The following RNF150 variants were observed in gnomAD, a reference collection of about 807,000 sequenced individuals.
RNF150 encodes the protein ring finger protein 150.
Under a neutral mutation model 39.3 loss-of-function variants are expected in RNF150, and 24 were observed. That is an observed-to-expected ratio of 0.61 (90% confidence interval 0.44 to 0.86). RNF150 has a LOEUF of 0.86. RNF150 is among the 40% of genes least tolerant of loss of function. RNF150 has a pLI of 0.00. For synonymous variants in RNF150, 255 were observed against 227.3 expected (o/e 1.12, Z -1.10); for missense variants, 502 against 587.8 (o/e 0.85, Z 1.51).
chr4:141,198,901 A>G (rs1412470269), intron 1 of RNF150, among the ~76,000 whole-genome samples: 1 of 152,252 alleles, frequency 6.6e-6, no homozygotes. Flanking sequence ...TATCAAAGTT[A>G]AAACCTTTTT....
At chr4:140,920,354 A>G (rs1266110480) in intron 5 of RNF150, among the ~76,000 whole-genome samples, 1 of 102,742 alleles carries the variant, frequency 9.7e-6, no homozygotes, top group Non-Finnish European at 2.1e-5. Context: ...AAAAACAAAC[A>G]ACCCCATCAA....
intron 1 of RNF150, among the ~76,000 whole-genome samples, chr4:141,093,114 C>T (rs185362070): frequency 5.9e-5 from 9 of 152,122 alleles, no homozygotes; most frequent in African/African-American, 2.2e-4. Flanking sequence ...TGCCTGTAAT[C>T]CCAGCACTTT....
chr4:141,000,695 C>G (rs1309727402), intron 1 of RNF150, among the ~76,000 whole-genome samples: 2 of 152,176 alleles, frequency 1.3e-5, no homozygotes, highest in Non-Finnish European at 2.9e-5. Flanking sequence ...TAGGTCAAAG[C>G]AGAGGTAATG....
chr4:140,971,672 C>T (rs1281077353), intron 1 of RNF150, among the ~76,000 whole-genome samples: 1 of 152,092 alleles, frequency 6.6e-6, no homozygotes, highest in Non-Finnish European at 1.5e-5. Context: ...TTTAGTGCTT[C>T]CTTTTCCCTT....
upstream of RNF150, among the ~76,000 whole-genome samples, chr4:141,137,092 A>T (rs545519149): frequency 6.6e-6 from 1 of 152,310 alleles, no homozygotes; most frequent in East Asian, 1.9e-4. Flanking sequence ...CAGCAAAGAA[A>T]CCATTAAGAC....
At chr4:141,138,283 T>G (rs1318555529), upstream of RNF150, among the ~76,000 whole-genome samples, 1 of 152,210 alleles carries the variant, frequency 6.6e-6, no homozygotes, top group African/African-American at 2.4e-5. Context: ...TTTTTCATTT[T>G]ACATTAATTG....
At chr4:141,060,712 C>A (rs548524500) in intron 1 of RNF150, among the ~76,000 whole-genome samples, 1 of 152,242 alleles carries the variant, frequency 6.6e-6, no homozygotes, top group East Asian at 1.9e-4. Flanking sequence ...GCAGCACTAT[C>A]CACAATAGCA....
intron 1 of RNF150, among the ~76,000 whole-genome samples, chr4:141,172,450 A>G (rs1024030561): frequency 6.6e-6 from 1 of 152,194 alleles, no homozygotes; most frequent in Non-Finnish European, 1.5e-5. Flanking sequence ...GGGATCAATA[A>G]TTTATCTACT....
intron 1 of RNF150, among the ~76,000 whole-genome samples, chr4:141,049,794 T>C (rs1264784383): frequency 6.6e-6 from 1 of 152,124 alleles, no homozygotes; most frequent in Non-Finnish European, 1.5e-5. Context: ...AAAAACTAAC[T>C]ATAAACAACT....
chr4:141,157,624 C>T (rs1452291825), intron 1 of RNF150, among the ~76,000 whole-genome samples: 4 of 152,004 alleles, frequency 2.6e-5, no homozygotes, highest in African/African-American at 9.7e-5. Flanking sequence ...TTTTCTTGGG[C>T]CTGATCTCCT....
intron 5 of RNF150, among the ~76,000 whole-genome samples, chr4:140,911,827 TG>T (rs1730618699): frequency 1.3e-5 from 2 of 152,202 alleles, no homozygotes; most frequent in Non-Finnish European, 2.9e-5. Context: ...TGAGTCATTA[TG>T]GCTTGTTCAT....
At chr4:141,060,742 A>C (rs894151235) in intron 1 of RNF150, among the ~76,000 whole-genome samples, 1 of 152,216 alleles carries the variant, frequency 6.6e-6, no homozygotes, top group African/African-American at 2.4e-5. Context: ...AACCAACCCA[A>C]ATGTCCATCA....
chr4:140,911,420 C>T, intron 5 of RNF150, 66 bp from the exon 6 acceptor site: 3 of 1,323,200 alleles, frequency 2.3e-6, no homozygotes, highest in Non-Finnish European at 3.2e-6. Context: ...ATGTCTATAG[C>T]CTAAACATTC....
At chr4:141,153,831 C>T (rs910610961) in intron 1 of RNF150, among the ~76,000 whole-genome samples, 8 of 152,086 alleles carry the variant, frequency 5.3e-5, no homozygotes, top group East Asian at 1.9e-4. Flanking sequence ...TGTATGCCTA[C>T]AGGATTGATC....
rs1324323972 is a variant in RNF150 at position 141,027,933 on chromosome 4, T to G, written c.485-60060A>C. 1.7e-4 allele frequency among the ~76,000 whole-genome samples: 22 copies of G among 127,856 alleles called. 3 individuals are homozygous for G. The highest frequency in any genetic ancestry group is 2.4e-4 in the Non-Finnish European group (14 of 59,006). 83.9% of individuals were successfully genotyped at this position (127,856 alleles called of 152,430 possible). On this transcript the variant is annotated intron_variant, in intron 1 of 6. Coordinates refer to ENST00000515673, the MANE Select transcript of RNF150 (RefSeq NM_020724.2). ...ATTTGTTTTTTTTTTTTTGTTTTTTTTTTTTTTTTTTTTTTTTTTCAATCC... is the reference window on the plus strand; with the variant it reads ...ATTTGTTTTTTTTTTTTTGTTTTTTGTTTTTTTTTTTTTTTTTTTCAATCC...
chr4:140,920,938 C>T (rs1226229959), intron 5 of RNF150, among the ~76,000 whole-genome samples: 2 of 151,634 alleles, frequency 1.3e-5, no homozygotes, highest in East Asian at 2.0e-4. Context: ...ATCACAAGAA[C>T]AAAAAACCAA....
chr4:141,023,982 T>C (rs1308761525), intron 1 of RNF150, among the ~76,000 whole-genome samples: 2 of 152,190 alleles, frequency 1.3e-5, no homozygotes, highest in Non-Finnish European at 2.9e-5. Context: ...ATGTAACAAA[T>C]ATTCTTTGAA....
intron 1 of RNF150, among the ~76,000 whole-genome samples, chr4:141,177,370 C>T (rs1025593832): frequency 2.6e-5 from 4 of 152,186 alleles, no homozygotes; most frequent in Middle Eastern, 3.4e-3. Context: ...GGTTTGGCAG[C>T]GTGCCAGAAT....
In RNF150 at chr4:140,862,918, A is replaced by T. The variant is rs780226822; in HGVS notation, c.*5343T>A. ...AGAGATCCTGCCATCCTCTTTTCTT[A>T]CTTCCTGCAGGGTGACACTCCCATC... On this transcript the variant is annotated 3_prime_UTR_variant, in exon 7 of 7. Coordinates refer to ENST00000515673, the MANE Select transcript of RNF150 (RefSeq NM_020724.2). The T allele has an allele frequency of 6.6e-6, 1 of 151,786 alleles. No homozygotes were observed. Among genetic ancestry groups the T allele is most frequent in the Non-Finnish European group, 1.5e-5 (1 of 67,996 alleles). 9.4% of individuals were successfully genotyped at this position (151,786 alleles called of 1,614,324 possible). A position where few individuals can be genotyped will look rare whatever the true frequency, so the allele number is the denominator to read the frequency against.
Sources: allele counts gnomAD v4.1 joint callset (sites outside exome capture counted in the v4.1 genomes callset), GRCh38; gene constraint gnomAD v4.1.1; transcripts MANE v1.5; gene names NCBI Gene and HGNC (gene_info 2026-07-23, HGNC 2026-07-21).